Variants in SYK observed in about 807,000 individuals in gnomAD.
The protein encoded by SYK is tyrosine-protein kinase SYK.
In SYK, 16 loss-of-function variants were observed where a neutral mutation model predicts 77.8. That is an observed-to-expected ratio of 0.21 (90% confidence interval 0.14 to 0.31). The LOEUF (loss-of-function observed/expected upper bound fraction) is 0.31, where lower values mean the gene tolerates loss of function less well. Ranked by LOEUF, SYK falls within the 10% of genes least tolerant of loss-of-function variation. The pLI is 1.00. For missense variants in SYK, 529 were observed against 814.4 expected (o/e 0.65, Z 4.26); for synonymous variants, 312 against 308.7 (o/e 1.01, Z -0.11).
At chr9:90,818,846 T>A (rs1168559625) in intron 1 of SYK, among the ~76,000 whole-genome samples, 1 of 152,236 alleles carries the variant, frequency 6.6e-6, no homozygotes, top group Non-Finnish European at 1.5e-5. Flanking sequence ...TGATTTAGGC[T>A]TCATGGCCTT....
chr9:90,852,802 A>G (rs893903387), intron 3 of SYK, among the ~76,000 whole-genome samples: 6 of 152,242 alleles, frequency 3.9e-5, no homozygotes, highest in Non-Finnish European at 2.9e-5. Flanking sequence ...GCATGTTTTC[A>G]ACCAGACATG....
intron 3 of SYK, among the ~76,000 whole-genome samples, chr9:90,860,326 A>G (rs1426677112): frequency 1.3e-5 from 2 of 152,272 alleles, no homozygotes; most frequent in African/African-American, 2.4e-5. Flanking sequence ...CCCTCAAACT[A>G]TAAGCCACTG....
intron 1 of SYK, among the ~76,000 whole-genome samples, chr9:90,820,113 T>A (rs1177673971): frequency 6.6e-6 from 1 of 152,246 alleles, no homozygotes; most frequent in Admixed American, 6.5e-5. Context: ...TCCCATGGTC[T>A]TGGACAGCTT....
At chr9:90,818,570 G>A (rs1247657590) in intron 1 of SYK, among the ~76,000 whole-genome samples, 1 of 152,182 alleles carries the variant, frequency 6.6e-6, no homozygotes, top group Non-Finnish European at 1.5e-5. Context: ...CCAGCATCAG[G>A]CTCTGCTCAT....
chr9:90,886,620 G>A (rs1412527485), intron 11 of SYK, among the ~76,000 whole-genome samples: 2 of 152,128 alleles, frequency 1.3e-5, no homozygotes, highest in Admixed American at 6.5e-5. Flanking sequence ...CAGAAGAATG[G>A]CATGAACCCA....
At chr9:90,833,608 G>T (rs2118529894) in intron 1 of SYK, among the ~76,000 whole-genome samples, 1 of 152,320 alleles carries the variant, frequency 6.6e-6, no homozygotes, top group South Asian at 2.1e-4. Flanking sequence ...CAGTCAGACT[G>T]CCCTAGAAAC....
intron 1 of SYK, among the ~76,000 whole-genome samples, chr9:90,834,364 G>A (rs1825996761): frequency 6.6e-6 from 1 of 152,168 alleles, no homozygotes; most frequent in African/African-American, 2.4e-5. Flanking sequence ...CCCCACTCAT[G>A]ACTGAAATTA....
Position 90,895,594 on chromosome 9 carries a change from G to A in SYK, c.1902G>A (p.Val634=), listed in dbSNP as rs200682995. The A allele has an allele frequency of 1.5e-5, 24 of 1,614,040 alleles. No individual in the cohort carries two copies. Among genetic ancestry groups the A allele is most frequent in the Non-Finnish European group, 2.0e-5 (24 of 1,179,980 alleles). ...LRLRNYYYDV[V]N is the part of the protein sequence containing the mutation. ...TGCGCAATTACTACTATGACGTGGT[G>A]AACTAACCGCTCCCGCACCTGTCGG... The change falls in exon 14 of 14, where the codon GTG becomes GTA. Residue 634 remains valine (V), a synonymous_variant. Transcript: ENST00000375754. The surrounding 1 kb of genome is among the most constrained non-coding windows in gnomAD (Gnocchi z 4.4).
chr9:90,810,128 G>A lies in SYK; in HGVS notation c.-42+8235G>A, dbSNP rs116437408. ...TTATGGAGGAATGGAGTATCAGTCC[G>A]ATCAGGCTTTCATAACAAAGCACCA... On this transcript the variant is annotated intron_variant, in intron 1 of 13. Coordinates refer to ENST00000375754, the MANE Select transcript of SYK (RefSeq NM_003177.7). Among the ~76,000 whole-genome samples, 147 of 152,252 alleles carry A rather than the reference G, an allele frequency of 9.7e-4. 2 individuals carry two copies. The East Asian group carries it at 0.02, about 20-fold the overall frequency.
intron 1 of SYK, among the ~76,000 whole-genome samples, chr9:90,837,724 C>T (rs149646488): frequency 4.9e-4 from 74 of 152,212 alleles, no homozygotes; most frequent in African/African-American, 1.5e-3. Flanking sequence ...TGAGAGATGG[C>T]GGTGGCTTCC....
intron 7 of SYK, among the ~76,000 whole-genome samples, chr9:90,870,052 G>A (rs1191278512): frequency 1.3e-5 from 2 of 152,170 alleles, no homozygotes; most frequent in Non-Finnish European, 2.9e-5. Context: ...AGATTGCAGA[G>A]ATCGTGCCAT....
At chr9:90,887,952 T>A (rs1828643344) in intron 12 of SYK, 63 bp downstream of exon 12, 3 of 1,465,276 alleles carry the variant, frequency 2.0e-6, no homozygotes. Flanking sequence ...CACCAGATTG[T>A]CTTTACAACA....
intron 2 of SYK, among the ~76,000 whole-genome samples, chr9:90,844,640 C>T (rs1826513309): frequency 6.6e-6 from 1 of 152,212 alleles, no homozygotes; most frequent in African/African-American, 2.4e-5. Context: ...TGACAAGGTC[C>T]TACCATACAC....
intron 1 of SYK, among the ~76,000 whole-genome samples, chr9:90,817,882 T>TGTGTGA (rs1302553724): frequency 4.8e-4 from 32 of 66,912 alleles, no homozygotes; most frequent in African/African-American, 1.6e-3. Context: ...TGTGTGTGTG[T>TGTGTGA]GAGAGAGAGA....
At chr9:90,841,734 GTGTA>G (rs1365643215) in intron 1 of SYK, among the ~76,000 whole-genome samples, 3 of 151,678 alleles carry the variant, frequency 2.0e-5, no homozygotes, top group African/African-American at 7.3e-5. Context: ...TGTGTGTGGT[GTGTA>G]TGTATTTTGT....
intron 6 of SYK, 29 bp downstream of exon 6, chr9:90,865,126 G>A: frequency 5.6e-6 from 9 of 1,606,312 alleles, no homozygotes; most frequent in Non-Finnish European, 7.7e-6. Context: ...ACCACTGAAT[G>A]AGAAGCTGTT....
intron 3 of SYK, among the ~76,000 whole-genome samples, chr9:90,857,261 A>G (rs1827073206): frequency 6.6e-6 from 1 of 152,228 alleles, no homozygotes; most frequent in African/African-American, 2.4e-5. Flanking sequence ...AAAGTATGCC[A>G]TTTTATTTGA....
At chr9:90,812,976 G>A (rs762810445) in intron 1 of SYK, among the ~76,000 whole-genome samples, 4 of 152,092 alleles carry the variant, frequency 2.6e-5, no homozygotes, top group Non-Finnish European at 4.4e-5. Context: ...AATTCTCAGA[G>A]GAAGAATATG....
chr9:90,868,744 C>T (rs1398591555), intron 7 of SYK, among the ~76,000 whole-genome samples: 1 of 152,120 alleles, frequency 6.6e-6, no homozygotes, highest in African/African-American at 2.4e-5. Flanking sequence ...TTCACTCTTC[C>T]TTGGGGAAGT....
Sources: gnomAD v4.1 joint callset for allele counts (sites outside exome capture counted in the v4.1 genomes callset) on GRCh38, gnomAD v4.1.1 for gene constraint, Gnocchi (gnomAD v3.1) non-coding constraint, MANE v1.5 for transcripts, NCBI Gene and HGNC (gene_info 2026-07-23, HGNC 2026-07-21) for gene names.